The following LHFPL2 variants were observed in gnomAD, a reference collection of about 807,000 sequenced individuals.
LHFPL2 encodes LHFPL tetraspan subfamily member 2, also known as LHFPL tetraspan subfamily member 2 protein.
Under a neutral mutation model 17.5 loss-of-function variants are expected in LHFPL2, and 7 were observed. The observed-to-expected ratio is 0.40, with a 90% confidence interval of 0.23 to 0.75. The LOEUF (loss-of-function observed/expected upper bound fraction) is 0.75, where lower values mean the gene tolerates loss of function less well. LHFPL2 is among the 30% of genes least tolerant of loss of function. The pLI is 0.37. For synonymous variants in LHFPL2, 134 were observed against 116.2 expected (o/e 1.15, Z -0.99); for missense variants, 241 against 294.8 (o/e 0.82, Z 1.34).
At chr5:78,529,139 A>T (rs1345611646) in intron 3 of LHFPL2, among the ~76,000 whole-genome samples, 1 of 152,010 alleles carries the variant, frequency 6.6e-6, no homozygotes, top group African/African-American at 2.4e-5. Context: ...AAATTTAATT[A>T]GCCAGACATG....
intron 1 of LHFPL2, among the ~76,000 whole-genome samples, chr5:78,647,036 T>G (rs1482552487): frequency 6.6e-6 from 1 of 152,236 alleles, no homozygotes; most frequent in African/African-American, 2.4e-5. Flanking sequence ...AGCCACAGTC[T>G]GCTCTCCATG....
At chr5:78,639,005 A>G (rs1004730317) in intron 1 of LHFPL2, among the ~76,000 whole-genome samples, 1 of 152,188 alleles carries the variant, frequency 6.6e-6, no homozygotes, top group Non-Finnish European at 1.5e-5. Context: ...GTTGACCAAT[A>G]TGGATATTAA....
At position 78,485,838 on chromosome 5, in the gene LHFPL2, C is replaced by G. The variant is rs1204268036; in HGVS notation, c.*3059G>C. On this transcript the variant is annotated 3_prime_UTR_variant, in exon 5 of 5. Transcript: ENST00000380345. ...GTGCGGGCTTAACTTTGACATAACA[C>G]TAGCGATTATTTTAGACCCAGGAAA... 4 of 152,600 alleles carry G rather than the reference C, an allele frequency of 2.6e-5. No individual in the cohort carries two copies. Among genetic ancestry groups the G allele is most frequent in the African/African-American group, 4.8e-5 (2 of 41,434 alleles). The allele number at this position is 152,600 out of a possible 1,614,324, so 9.5% of individuals were successfully genotyped here.
chr5:78,628,435 G>GT (rs930460786), intron 2 of LHFPL2, among the ~76,000 whole-genome samples: 1 of 152,164 alleles, frequency 6.6e-6, no homozygotes, highest in Non-Finnish European at 1.5e-5. Context: ...TTCCCCCAGG[G>GT]TGGGGTCACA....
At chr5:78,500,873 G>A (rs1238105807) in intron 4 of LHFPL2, among the ~76,000 whole-genome samples, 1 of 152,152 alleles carries the variant, frequency 6.6e-6, no homozygotes, top group Non-Finnish European at 1.5e-5. Flanking sequence ...TAACTGTCTA[G>A]GAGGGCCGGG....
intron 2 of LHFPL2, among the ~76,000 whole-genome samples, chr5:78,566,374 C>T (rs1052383276): frequency 6.6e-6 from 1 of 152,172 alleles, no homozygotes; most frequent in Admixed American, 6.5e-5. Context: ...CTTGAAGATA[C>T]TGGACAACAG....
At chr5:78,492,648 C>T (rs1420216311) in intron 4 of LHFPL2, among the ~76,000 whole-genome samples, 1 of 152,144 alleles carries the variant, frequency 6.6e-6, no homozygotes, top group Non-Finnish European at 1.5e-5. Flanking sequence ...CTGCTCCTGG[C>T]TCAGTTTGTG....
At chr5:78,533,283 C>G (rs1226886431) in intron 3 of LHFPL2, among the ~76,000 whole-genome samples, 1 of 152,198 alleles carries the variant, frequency 6.6e-6, no homozygotes, top group African/African-American at 2.4e-5. Flanking sequence ...AACATTGAGC[C>G]TTCACCGTAA....
At chr5:78,555,229 G>A (rs1476028034) in intron 3 of LHFPL2, among the ~76,000 whole-genome samples, 1 of 152,142 alleles carries the variant, frequency 6.6e-6, no homozygotes, top group Non-Finnish European at 1.5e-5. Context: ...CAGTATTCTA[G>A]GCATGTTTTG....
At chr5:78,584,148 A>T (rs1166943082) in intron 2 of LHFPL2, among the ~76,000 whole-genome samples, 2 of 149,284 alleles carry the variant, frequency 1.3e-5, no homozygotes, top group Non-Finnish European at 3.0e-5. Context: ...TCCTTTAAGC[A>T]CTTCTCTGTA....
chr5:78,547,539 T>A (rs955868991), intron 3 of LHFPL2, among the ~76,000 whole-genome samples: 2 of 152,154 alleles, frequency 1.3e-5, no homozygotes, highest in Admixed American at 1.3e-4. Flanking sequence ...ATCCAATCTA[T>A]CAAAACCTCA....
At chr5:78,639,646 A>C (rs1418575903) in intron 1 of LHFPL2, among the ~76,000 whole-genome samples, 4 of 151,994 alleles carry the variant, frequency 2.6e-5, no homozygotes, top group African/African-American at 9.7e-5. Flanking sequence ...AAAAAAAAAC[A>C]AATGTGATTT....
At chr5:78,538,157 C>G (rs577993012) in intron 3 of LHFPL2, among the ~76,000 whole-genome samples, 2 of 152,306 alleles carry the variant, frequency 1.3e-5, no homozygotes, top group East Asian at 1.9e-4. Flanking sequence ...CACAGGCACA[C>G]GAAAGCTTAT....
chr5:78,513,386 A>G (rs1755194368), intron 3 of LHFPL2, among the ~76,000 whole-genome samples: 1 of 152,224 alleles, frequency 6.6e-6, no homozygotes, highest in Admixed American at 6.5e-5. Context: ...TCACTGCACC[A>G]AATTCTCACA....
chr5:78,619,947 A>C (rs1159072215), intron 2 of LHFPL2, among the ~76,000 whole-genome samples: 2 of 82,514 alleles, frequency 2.4e-5, no homozygotes, highest in Admixed American at 2.8e-4. Context: ...GCTATTGTGA[A>C]TAGTGCCGCA....
chr5:78,630,581 G>T (rs1430026605), intron 2 of LHFPL2, among the ~76,000 whole-genome samples: 2 of 151,876 alleles, frequency 1.3e-5, no homozygotes, highest in African/African-American at 4.8e-5. Flanking sequence ...TTACTGCCTT[G>T]TCTTTCATTC....
At chr5:78,615,766 T>G (rs1744579286) in intron 2 of LHFPL2, among the ~76,000 whole-genome samples, 1 of 152,174 alleles carries the variant, frequency 6.6e-6, no homozygotes, top group African/African-American at 2.4e-5. Context: ...CTCATTTGGC[T>G]CCATAAGTAT....
intron 3 of LHFPL2, among the ~76,000 whole-genome samples, chr5:78,562,055 C>T (rs1054486972): frequency 7.9e-5 from 12 of 152,200 alleles, no homozygotes; most frequent in African/African-American, 2.9e-4. Flanking sequence ...CAGAAAGAGC[C>T]TGGCAGAGCA....
At chr5:78,642,661 AT>A (rs1745715130) in intron 1 of LHFPL2, among the ~76,000 whole-genome samples, 1 of 152,118 alleles carries the variant, frequency 6.6e-6, no homozygotes, top group East Asian at 1.9e-4. Flanking sequence ...AACTCCCTCT[AT>A]CATCTCTAGC....
Sources: allele counts gnomAD v4.1 joint callset (sites outside exome capture counted in the v4.1 genomes callset), GRCh38; gene constraint gnomAD v4.1.1; transcripts MANE v1.5; gene names NCBI Gene and HGNC (gene_info 2026-07-23, HGNC 2026-07-21).